RBBP9: variants seen among roughly 807,000 people sequenced by gnomAD.
RBBP9 encodes RB binding protein 9, serine hydrolase, also known as serine hydrolase RBBP9.
Under a neutral mutation model 24.2 loss-of-function variants are expected in RBBP9, and 20 were observed. That is an observed-to-expected ratio of 0.83 (90% CI 0.58 to 1.20). The LOEUF is 1.20. RBBP9 is among the 50% of genes most tolerant of loss of function. The pLI is 0.00. For missense variants in RBBP9, 234 were observed against 233.6 expected, an observed-to-expected ratio of 1.00 and a Z score of -0.01; for synonymous variants, 74 against 84.6, an observed-to-expected ratio of 0.87 and a Z score of 0.69.
intron 2 of RBBP9, among the ~76,000 whole-genome samples, chr20:18,495,461 A>G (rs1674065210): frequency 6.6e-6 from 1 of 151,422 alleles, no homozygotes; most frequent in Admixed American, 6.6e-5. Flanking sequence ...GGAAGGCCGC[A>G]GGGTCCTCTG....
In RBBP9 at chr20:18,497,204, A is replaced by C. The variant is rs374078420; in HGVS notation, c.-37T>G. 3.2e-6 allele frequency: 5 copies of C among 1,541,022 alleles called. No homozygotes were observed. Among genetic ancestry groups the C allele is most frequent in the Middle Eastern group, 1.7e-4 (1 of 5,950 alleles). On this transcript the variant is annotated 5_prime_UTR_variant, in exon 1 of 5. Transcript: ENST00000337227. ...GGCCAGAGTTCCCCAGCGCGGGTCC[A>C]GCGGAGCTGAGCCCAGCCTGCTCCC...
intron 1 of RBBP9, among the ~76,000 whole-genome samples, chr20:18,496,580 G>A (rs2059887553): frequency 1.3e-5 from 2 of 152,176 alleles, no homozygotes; most frequent in African/African-American, 2.4e-5. Context: ...ACTGAGATGG[G>A]TAGACATAAG....
At chr20:18,491,264 C>A (rs2059864384) in intron 3 of RBBP9, among the ~76,000 whole-genome samples, 1 of 152,192 alleles carries the variant, frequency 6.6e-6, no homozygotes, top group African/African-American at 2.4e-5. Context: ...TTTGTTACCA[C>A]ACACTCCACA....
At chr20:18,490,593 C>A in intron 3 of RBBP9, 113 bp from the exon 4 acceptor site, 1 of 680,418 alleles carries the variant, frequency 1.5e-6, no homozygotes. Context: ...CACGTGCTAC[C>A]TGCTGTTGAG....
intron 3 of RBBP9, among the ~76,000 whole-genome samples, chr20:18,491,093 G>A (rs2059863763): frequency 6.6e-6 from 1 of 152,332 alleles, no homozygotes; most frequent in Non-Finnish European, 1.5e-5. Context: ...TGAACATGCA[G>A]ATTCTCAGGC....
intron 4 of RBBP9, 43 bp from the exon 5 acceptor site, chr20:18,490,033 C>T: frequency 1.4e-6 from 2 of 1,387,394 alleles, no homozygotes. Context: ...CATGGATAAT[C>T]TCCCTTCTAG....
Position 18,489,810 on chromosome 20 carries a change from T to C in RBBP9, c.515A>G (p.His172Arg), listed in dbSNP as rs374727455. ...AGACTTTACAACAGTAATCAGTTCATGAAACTCTGTGTTCTGAAAGTGGCC... is the reference window on the plus strand; with the variant it reads ...AGACTTTACAACAGTAATCAGTTCACGAAACTCTGTGTTCTGAAAGTGGCC... ...DCGHFQNTEF[H>R]ELITVVKSLL... Residue 172 changes from histidine (H) to arginine (R), a missense_variant, in exon 5 of 5, where the codon CAT (histidine) becomes CGT (arginine). By Grantham distance (29) the His-to-Arg change is conservative (BLOSUM62 0). Coordinates refer to ENST00000337227, the MANE Select transcript of RBBP9 (RefSeq NM_006606.3). The C allele has an allele frequency of 3.8e-5, 61 of 1,613,990 alleles. No individual in the cohort carries two copies. In the South Asian group the frequency reaches 4.9e-4, roughly 13 times the overall value.
intron 3 of RBBP9, among the ~76,000 whole-genome samples, chr20:18,493,225 A>G (rs1478588688): frequency 6.6e-6 from 1 of 152,146 alleles, no homozygotes; most frequent in Admixed American, 6.6e-5. Context: ...TTCTAATGAG[A>G]GCAGTAGGGA....
At chr20:18,493,201 G>A (rs1338568270) in intron 3 of RBBP9, among the ~76,000 whole-genome samples, 2 of 152,122 alleles carry the variant, frequency 1.3e-5, no homozygotes, top group African/African-American at 2.4e-5. Flanking sequence ...AAGGCTAAAA[G>A]GGGAGATGTA....
chr20:18,495,052 CCCCTCTGT>C (rs1555784911), intron 2 of RBBP9, among the ~76,000 whole-genome samples: 1 of 151,722 alleles, frequency 6.6e-6, no homozygotes, highest in Non-Finnish European at 1.5e-5. Flanking sequence ...AAGTGAGGAG[CCCCTCTGT>C]CCGGCCACCA....
chr20:18,497,143 T>C lies in RBBP9; in HGVS notation c.25A>G (p.Ile9Val), dbSNP rs200920699. 3 of 1,614,006 alleles carry C rather than the reference T, an allele frequency of 1.9e-6. No homozygotes were observed. The highest frequency in any genetic ancestry group is 1.3e-5 in the African/African-American group (1 of 74,954). The change falls in exon 1 of 5, where the codon ATT (isoleucine) becomes GTT (valine). Residue 9 changes from isoleucine (I) to valine (V), a missense_variant. Physicochemically the swap from Ile to Val is conservative, Grantham distance 29. Transcript: ENST00000337227. The part of the protein sequence containing the change: MASPSKAV[I>V]VPGNGGGDVT... ...TCCCCGCCTCCGTTCCCGGGAACAA[T>C]CACTGCCTTGCTAGGAGAAGCCATG... is the stretch of plus-strand genomic sequence containing the variant.
Position 18,493,980 on chromosome 20 carries a change from A to G in RBBP9, c.226T>C (p.Ser76Pro), listed in dbSNP as rs756152922. ...DEKTIIIGHS[S>P]GAIAAMRYAE... ...CACCTCATGGCCGCGATGGCCCCAG[A>G]ACTGTGGCCAATGATGATAGTCTTC... The change falls in exon 3 of 5, where the codon TCT becomes CCT. Residue 76 changes from serine (S) to proline (P), a missense_variant. Ser to Pro is a moderately conservative substitution (Grantham distance 74). Coordinates refer to ENST00000337227, the MANE Select transcript of RBBP9 (RefSeq NM_006606.3). 52 of 1,612,854 alleles carry G rather than the reference A, an allele frequency of 3.2e-5. 1 individual carries two copies. The highest frequency in any genetic ancestry group is 9.9e-5 in the South Asian group (9 of 90,922).
chr20:18,495,089 C>T (rs1243946450), intron 2 of RBBP9, among the ~76,000 whole-genome samples: 1 of 150,784 alleles, frequency 6.6e-6, no homozygotes, highest in Non-Finnish European at 1.5e-5. Flanking sequence ...GGGAGGTGTA[C>T]CCAACAGCTC....
At chr20:18,494,199 A>G (rs2059875559) in intron 2 of RBBP9, 136 bp from the exon 3 acceptor site, 1 of 644,334 alleles carries the variant, frequency 1.6e-6, no homozygotes, top group Non-Finnish European at 2.7e-6. Flanking sequence ...AGGAGACCAG[A>G]CTGTATTAAC....
Position 18,487,831 on chromosome 20 carries a change from A to G in RBBP9, c.*1933T>C, listed in dbSNP as rs1174910268. 6.6e-6 allele frequency: 1 copy of G among 152,238 alleles called. No homozygotes were observed. Among genetic ancestry groups the G allele is most frequent in the Admixed American group, 6.5e-5 (1 of 15,278 alleles). 9.4% of individuals were successfully genotyped at this position (152,238 alleles called of 1,614,324 possible). On this transcript the variant is annotated 3_prime_UTR_variant, in exon 5 of 5. Coordinates refer to ENST00000337227, the MANE Select transcript of RBBP9 (RefSeq NM_006606.3). ...GCCAGGCGTGGTGGCACATGCCTTTAGTTCACACTACTTGGGAGGCTGAGA... is the reference window on the plus strand; with the variant it reads ...GCCAGGCGTGGTGGCACATGCCTTTGGTTCACACTACTTGGGAGGCTGAGA...
In RBBP9 at chr20:18,495,848, C is replaced by T. The variant is rs1477995923; in HGVS notation, c.132G>A (p.Met44Ile). The T allele has an allele frequency of 5.7e-6, 9 of 1,571,790 alleles. No individual in the cohort carries two copies. The highest frequency in any genetic ancestry group is 7.9e-6 in the Non-Finnish European group (9 of 1,144,276). Residue 44 changes from methionine (M) to isoleucine (I), a missense_variant, in exon 2 of 5, where the codon ATG becomes ATA. Coordinates refer to ENST00000337227, the MANE Select transcript of RBBP9 (RefSeq NM_006606.3). ...AAGTTTAAAACTTACTTGGGTCGGG[C>T]ATGTTTTTAGCCAAACACTGGAAAC... Reference protein sequence around the residue: ...IPGFQCLAKNMPDPITARESI... With the variant: ...IPGFQCLAKNIPDPITARESI...
At chr20:18,495,458 C>G (rs1376722506) in intron 2 of RBBP9, among the ~76,000 whole-genome samples, 1 of 151,248 alleles carries the variant, frequency 6.6e-6, no homozygotes, top group African/African-American at 2.4e-5. Flanking sequence ...TGCGGAAGGC[C>G]GCAGGGTCCT....
At chr20:18,495,644 G>GAAAA (rs11476688) in intron 2 of RBBP9, among the ~76,000 whole-genome samples, 194 bp downstream of exon 2, 1 of 91,754 alleles carries the variant, frequency 1.1e-5, no homozygotes, top group Non-Finnish European at 2.3e-5. Context: ...TCACAGAATT[G>GAAAA]AAAAAAAAAA....
Position 18,494,157 on chromosome 20 carries a change from G to C in RBBP9, c.143-94C>G, listed in dbSNP as rs773256964. On this transcript the variant is annotated intron_variant, in intron 2 of 4. Coordinates refer to ENST00000337227, the MANE Select transcript of RBBP9 (RefSeq NM_006606.3). ...CTTTCAAACAGGCAACTATTCAGCAGTTCACAACTTTTAAAACTGCAGGAC... is the reference window on the plus strand; with the variant it reads ...CTTTCAAACAGGCAACTATTCAGCACTTCACAACTTTTAAAACTGCAGGAC... The C allele has an allele frequency of 5.0e-5, 47 of 945,572 alleles. No homozygotes were observed. In the Middle Eastern group the frequency reaches 8.3e-4, roughly 17 times the overall value. The allele number at this position is 945,572 out of a possible 1,614,324, so 58.6% of individuals were successfully genotyped here. A position where few individuals can be genotyped will look rare whatever the true frequency, so the allele number is the denominator to read the frequency against.
Sources: allele counts gnomAD v4.1 joint callset (sites outside exome capture counted in the v4.1 genomes callset), GRCh38; gene constraint gnomAD v4.1.1; transcripts MANE v1.5; gene names NCBI Gene and HGNC (gene_info 2026-07-23, HGNC 2026-07-21).